The following SMG6 variants were observed in gnomAD, a reference collection of about 807,000 sequenced individuals.
SMG6 encodes telomerase-binding protein EST1A.
A neutral mutation model predicts 142.2 loss-of-function variants in SMG6; 66 were observed. The ratio of observed to expected loss-of-function variants is 0.46; its 90% CI spans 0.38 to 0.57. SMG6 has a LOEUF of 0.57. Among genes scored for constraint, SMG6 ranks in the 20% least tolerant of loss-of-function variants. The probability of loss-of-function intolerance (pLI) is 0.00; values close to 1 mark genes in which losing one functional copy is unlikely to be tolerated. For synonymous variants in SMG6, 779 were observed against 702.4 expected, an observed-to-expected ratio of 1.11 and a Z score of -1.72; for missense variants, 1,793 against 1,832.0, an observed-to-expected ratio of 0.98 and a Z score of 0.39.
chr17:2,266,148 A>G (rs1395293586), intron 8 of SMG6: 1 of 985,304 alleles, frequency 1.0e-6, no homozygotes, highest in African/African-American at 1.7e-5. Context: ...AACATCTTCT[A>G]AAATGTCTAA....
chr17:2,267,989 C>T (rs2074461039), intron 8 of SMG6, among the ~76,000 whole-genome samples: 2 of 152,054 alleles, frequency 1.3e-5, no homozygotes, highest in African/African-American at 2.4e-5. Context: ...CCTCGGGATC[C>T]GCCTGCCTTG....
chr17:2,119,398 T>C (rs2069612426), intron 13 of SMG6, among the ~76,000 whole-genome samples: 1 of 152,096 alleles, frequency 6.6e-6, no homozygotes, highest in South Asian at 2.1e-4. Context: ...TTTACCATAT[T>C]GGCCAGGCTG....
Position 2,071,740 on chromosome 17 carries a change from CGG to C in SMG6, c.3682-2811_3682-2810del, listed in dbSNP as rs11327052. On this transcript the variant is annotated intron_variant, in intron 15 of 18. Coordinates refer to ENST00000263073, the MANE Select transcript of SMG6 (RefSeq NM_017575.5). The surrounding 1 kb of genome is among the most constrained non-coding windows in gnomAD (Gnocchi z 5.6). ...CCTGGGGTACCGGTGGGCCTCTGGG[CGG>C]GGGGGGTCACACCTGGGTCACAAGA... Among the ~76,000 whole-genome samples the C allele has an allele frequency of 1.6e-4, 25 of 151,728 alleles. No individual in the cohort carries two copies. The highest frequency in any genetic ancestry group is 5.8e-4 in the African/African-American group (24 of 41,400).
intron 15 of SMG6, among the ~76,000 whole-genome samples, chr17:2,073,742 C>T (rs1255302869): frequency 6.8e-6 from 1 of 146,636 alleles, no homozygotes; most frequent in African/African-American, 2.5e-5. Context: ...GACAGAGTCT[C>T]ATCCAAGCCT....
chr17:2,263,310 T>C lies in SMG6; in HGVS notation c.2662-18591A>G, dbSNP rs1379688613. On this transcript the variant is annotated intron_variant, in intron 8 of 18. Transcript: ENST00000263073. ...ACCACGCAACACAAACAGCAATCCT[T>C]CTCTAGGTCTCTTTTTTATGTATCT... Among the ~76,000 whole-genome samples the C allele has an allele frequency of 2.6e-5, 4 of 152,132 alleles. No individual in the cohort carries two copies. The East Asian group carries it at 7.7e-4, about 29-fold the overall frequency.
intron 17 of SMG6, 104 bp downstream of exon 17, chr17:2,065,364 G>GC: frequency 4.2e-6 from 5 of 1,196,000 alleles, no homozygotes; most frequent in Non-Finnish European, 6.0e-6. Context: ...ATGGTGGCTG[G>GC]CCCTCAGCTG....
At chr17:2,260,428 G>GC (rs2074285913) in intron 8 of SMG6, among the ~76,000 whole-genome samples, 1 of 152,206 alleles carries the variant, frequency 6.6e-6, no homozygotes. Context: ...CTTCCAGCTA[G>GC]TTTTTTTGGT....
Position 2,259,057 on chromosome 17 carries a change from G to A in SMG6, c.2662-14338C>T, listed in dbSNP as rs566507270. Among the ~76,000 whole-genome samples, 25 of 151,826 alleles carry A rather than the reference G, an allele frequency of 1.6e-4. No homozygotes were observed. The East Asian group carries it at 3.7e-3, about 22-fold the overall frequency. On this transcript the variant is annotated intron_variant, in intron 8 of 18. Transcript: ENST00000263073. Reference sequence around the variant, plus strand: ...CACACCACTGCACTCCAGCCTGGGCGACAAAGCGAGACTCTATCTCAAAAA... The same window carrying A: ...CACACCACTGCACTCCAGCCTGGGCAACAAAGCGAGACTCTATCTCAAAAA...
chr17:2,162,163 A>T (rs987531373), intron 13 of SMG6, among the ~76,000 whole-genome samples: 1 of 152,214 alleles, frequency 6.6e-6, no homozygotes, highest in African/African-American at 2.4e-5. Flanking sequence ...ATTTATTGCT[A>T]AGTGAACAAA....
chr17:2,270,667 T>C (rs1180516797), intron 8 of SMG6, among the ~76,000 whole-genome samples: 2 of 152,162 alleles, frequency 1.3e-5, no homozygotes, highest in African/African-American at 4.8e-5. Context: ...CTCTGTGTGA[T>C]CTCTTTCAAC....
chr17:2,300,386 T>C lies in SMG6; in HGVS notation c.367A>G (p.Arg123Gly), dbSNP rs1163122197. 5 of 1,614,072 alleles carry C rather than the reference T, an allele frequency of 3.1e-6. No homozygotes were observed. The highest frequency in any genetic ancestry group is 4.2e-6 in the Non-Finnish European group (5 of 1,180,034). ...ENNRGQESFP[R>G]TAGQEDRSLK... Reference sequence around the variant, plus strand: ...CTACGATCCTCTTGTCCAGCAGTCCTAGGAAAGGATTCTTGTCCCCGATTA... The same window carrying C: ...CTACGATCCTCTTGTCCAGCAGTCCCAGGAAAGGATTCTTGTCCCCGATTA... The change falls in exon 2 of 19, where the codon AGG becomes GGG. Residue 123 changes from arginine to glycine, a missense_variant. This residue lies in a region of SMG6 where 1,597 missense variants were observed against 1,584.6 expected (regional missense o/e 1.01). Coordinates refer to ENST00000263073, the MANE Select transcript of SMG6 (RefSeq NM_017575.5).
At position 2,068,963 on chromosome 17, in the gene SMG6, A is replaced by AGCGAGCAG; in HGVS notation, c.3682-40_3682-33dup. 6.2e-7 allele frequency: 1 copy of AGCGAGCAG among 1,609,620 alleles called. No homozygotes were observed. The highest frequency in any genetic ancestry group is 1.1e-5 in the South Asian group (1 of 90,696). On this transcript the variant is annotated intron_variant, in intron 15 of 18. Coordinates refer to ENST00000263073, the MANE Select transcript of SMG6 (RefSeq NM_017575.5). This position sits in a 1 kb window ranked among gnomAD's most constrained non-coding sequence, Gnocchi z 6.7. ...GGACAGAGTGGTGAATGAGCCAGACAGCGAGCAGGCAAGCAGGTGGGTGAG... is the reference window on the plus strand; with the variant it reads ...GGACAGAGTGGTGAATGAGCCAGACAGCGAGCAGGCGAGCAGGCAAGCAGGTGGGTGAG...
intron 13 of SMG6, among the ~76,000 whole-genome samples, chr17:2,154,820 A>G (rs1428153062): frequency 6.6e-6 from 1 of 152,196 alleles, no homozygotes; most frequent in Non-Finnish European, 1.5e-5. Context: ...GAACTGCTTG[A>G]GCTCAGGACT....
At chr17:2,094,518 C>T (rs1481545124) in intron 13 of SMG6, among the ~76,000 whole-genome samples, 1 of 152,040 alleles carries the variant, frequency 6.6e-6, no homozygotes, top group South Asian at 2.1e-4. Flanking sequence ...GGATTACAGG[C>T]GTGAGCCACT....
chr17:2,243,751 C>T (rs1362177904), intron 9 of SMG6, among the ~76,000 whole-genome samples: 1 of 152,160 alleles, frequency 6.6e-6, no homozygotes, highest in Non-Finnish European at 1.5e-5. Flanking sequence ...GAAACATTGA[C>T]AATAACTGGG....
At chr17:2,206,333 CCCAGCACTTTGGGAGGCCGA>C (rs1478673257) in intron 10 of SMG6, among the ~76,000 whole-genome samples, 1 of 151,066 alleles carries the variant, frequency 6.6e-6, no homozygotes, top group East Asian at 1.9e-4. Flanking sequence ...GCCTATTAAC[CCCAGCACTTTGGGAGGCCGA>C]GGCTGGAGAA....
chr17:2,258,556 C>CAAA (rs546129106), intron 8 of SMG6, among the ~76,000 whole-genome samples: 2 of 88,250 alleles, frequency 2.3e-5, no homozygotes, highest in Admixed American at 1.1e-4. Flanking sequence ...GACTCTGTCT[C>CAAA]AAAAAAAAAA....
intron 13 of SMG6, among the ~76,000 whole-genome samples, chr17:2,142,906 A>T (rs2070532226): frequency 6.6e-6 from 1 of 151,652 alleles, no homozygotes; most frequent in Non-Finnish European, 1.5e-5. Context: ...AAAAAAAAAA[A>T]AAAAAAGTAG....
chr17:2,098,135 C>G (rs1321633571), intron 13 of SMG6, among the ~76,000 whole-genome samples: 1 of 152,046 alleles, frequency 6.6e-6, no homozygotes, highest in Admixed American at 6.6e-5. Context: ...ACTACAAGCA[C>G]GTGCCACCAC....
Sources: allele counts gnomAD v4.1 joint callset (sites outside exome capture counted in the v4.1 genomes callset), GRCh38; gene constraint gnomAD v4.1.1; regional missense constraint gnomAD v4.1.1; non-coding constraint Gnocchi (gnomAD v3.1); transcripts MANE v1.5; gene names NCBI Gene and HGNC (gene_info 2026-07-23, HGNC 2026-07-21).